IL12RB1: variants seen among roughly 807,000 people sequenced by gnomAD.
IL12RB1 encodes the protein interleukin 12 receptor subunit beta 1, also known as interleukin-12 receptor subunit beta-1.
A neutral mutation model predicts 94.4 loss-of-function variants in IL12RB1; 64 were observed. That is an observed-to-expected ratio of 0.68 (90% CI 0.55 to 0.83). The LOEUF is 0.83. Among genes scored for constraint, IL12RB1 ranks in the 40% least tolerant of loss-of-function variants. The pLI is 0.00. For missense variants in IL12RB1, 814 were observed against 855.6 expected (o/e 0.95, Z 0.61); for synonymous variants, 362 against 355.5 (o/e 1.02, Z -0.21).
upstream of IL12RB1, chr19:18,090,734 T>C (rs2036592886): frequency 6.9e-6 from 1 of 144,798 alleles, no homozygotes; most frequent in Non-Finnish European, 1.5e-5. Flanking sequence ...GATTAGTCAT[T>C]GTTGTTGTTC....
chr19:18,095,355 G>A (rs548748802), intron 1 of IL12RB1, among the ~76,000 whole-genome samples: 16 of 152,208 alleles, frequency 1.1e-4, no homozygotes, highest in East Asian at 5.8e-4. Flanking sequence ...GTCATGAAAC[G>A]GAATGAAGTA....
At chr19:18,083,555 G>A in intron 1 of IL12RB1, 64 bp from the exon 2 acceptor site, 1 of 1,537,168 alleles carries the variant, frequency 6.5e-7, no homozygotes. Flanking sequence ...GAAGGGCTCA[G>A]CCTTGGGGTC....
chr19:18,070,565 G>A (rs1599489804), intron 9 of IL12RB1: 1 of 983,886 alleles, frequency 1.0e-6, no homozygotes, highest in African/African-American at 1.7e-5. Context: ...GCAATTCTGG[G>A]GATAGCAACA....
chr19:18,086,639 G>T, intron 1 of IL12RB1, 121 bp downstream of exon 1: 5 of 894,026 alleles, frequency 5.6e-6, no homozygotes, highest in Non-Finnish European at 8.5e-6. Context: ...CCATTTGACA[G>T]CAGGAAAGAC....
At position 18,083,478 on chromosome 19, in the gene IL12RB1, G is replaced by T; in HGVS notation, c.78C>A (p.Thr26=). ...LLSRQGAACR[T]SECCFQDPPY... is the part of the protein sequence containing the mutation. Reference sequence around the variant, plus strand: ...GCGGGTCCTGAAAACAGCACTCACTGGTTCTGCAGGCAGCTGCAAAGGCAA... The same window carrying T: ...GCGGGTCCTGAAAACAGCACTCACTTGTTCTGCAGGCAGCTGCAAAGGCAA... The change falls in exon 2 of 17, where the codon ACC becomes ACA. Residue 26 remains threonine (T), a synonymous_variant. Coordinates refer to ENST00000593993, the MANE Select transcript of IL12RB1 (RefSeq NM_005535.3). The T allele has an allele frequency of 6.2e-7, 1 of 1,613,538 alleles. No homozygotes were observed.
At chr19:18,094,782 C>G (rs940726158) in intron 1 of IL12RB1, among the ~76,000 whole-genome samples, 6 of 152,140 alleles carry the variant, frequency 3.9e-5, no homozygotes, top group Non-Finnish European at 8.8e-5. Context: ...GGCGAAAGAG[C>G]AAGACCCTGT....
chr19:18,097,558 G>C (rs1215425073), intron 1 of IL12RB1, among the ~76,000 whole-genome samples: 2 of 152,198 alleles, frequency 1.3e-5, no homozygotes, highest in African/African-American at 4.8e-5. Flanking sequence ...GCAAAATGGG[G>C]CTGAACGATG....
In IL12RB1 at chr19:18,062,292, C is replaced by T. The variant is rs757276392; in HGVS notation, c.1619-15G>A. The T allele has an allele frequency of 1.9e-6, 3 of 1,564,878 alleles. No homozygotes were observed. The highest frequency in any genetic ancestry group is 2.2e-5 in the East Asian group (1 of 44,532). ...AACCTGCACTTCTGAGGTGGGAGAG[C>T]GTGGGTTGGCAGAGGGCTACCTCCT... is the stretch of plus-strand genomic sequence containing the variant. On this transcript the variant is annotated splice_polypyrimidine_tract_variant and intron_variant, in intron 13 of 16. Coordinates refer to ENST00000593993, the MANE Select transcript of IL12RB1 (RefSeq NM_005535.3).
At chr19:18,063,309 G>T (rs1466117857) in intron 13 of IL12RB1, among the ~76,000 whole-genome samples, 1 of 151,618 alleles carries the variant, frequency 6.6e-6, no homozygotes. Context: ...TGTTGCCCAG[G>T]CTGGTCTTGA....
chr19:18,072,098 C>G lies in IL12RB1; in HGVS notation c.1021+14G>C. ...AGGGGCCCTCATACCGCCCTCCCCA[C>G]CCAGAGGAGGCACCTGTGTGGGTGT... On this transcript the variant is annotated intron_variant, in intron 9 of 16. Coordinates refer to ENST00000593993, the MANE Select transcript of IL12RB1 (RefSeq NM_005535.3). 1 of 1,570,434 alleles carries G rather than the reference C, an allele frequency of 6.4e-7. No homozygotes were observed. Among genetic ancestry groups the G allele is most frequent in the Middle Eastern group, 1.7e-4 (1 of 5,946 alleles).
chr19:18,075,750 AG>A lies in IL12RB1; in HGVS notation c.698del (p.Pro233LeufsTer9). 1 of 1,612,290 alleles carries A rather than the reference AG, an allele frequency of 6.2e-7. No individual in the cohort carries two copies. The highest frequency in any genetic ancestry group is 8.5e-7 in the Non-Finnish European group (1 of 1,178,458). On this transcript the variant is annotated frameshift_variant and splice_region_variant, in exon 7 of 17. Coordinates refer to ENST00000593993, the MANE Select transcript of IL12RB1 (RefSeq NM_005535.3). LOFTEE classifies it high-confidence loss of function. ...TTCCTGTACTCAGAGTGATCTTACC[AG>A]GGGGAACGCACACGGGGCTGCTCCA... ...SKWSSPVCVP[P>X]ENPPQPQVRF...
At position 18,059,890 on chromosome 19, in the gene IL12RB1, G is replaced by A. The variant is rs1214982320; in HGVS notation, c.1983+4C>T. On this transcript the variant is annotated splice_donor_region_variant and intron_variant, in intron 16 of 16. Coordinates refer to ENST00000593993, the MANE Select transcript of IL12RB1 (RefSeq NM_005535.3). ...TGACCGTCTGGCCCACTGGGCCCCA[G>A]GACCTTGGCCTTGCACCTGTCTCCA... The A allele has an allele frequency of 1.3e-6, 2 of 1,537,996 alleles. No individual in the cohort carries two copies. Among genetic ancestry groups the A allele is most frequent in the Non-Finnish European group, 1.8e-6 (2 of 1,130,002 alleles).
intron 1 of IL12RB1, among the ~76,000 whole-genome samples, chr19:18,092,688 G>T (rs890794395): frequency 9.2e-6 from 1 of 108,306 alleles, no homozygotes; most frequent in Non-Finnish European, 1.9e-5. Flanking sequence ...AAAAAAAAAA[G>T]AAATGTGGTC....
Position 18,077,552 on chromosome 19 carries a change from C to A in IL12RB1, c.513G>T (p.Gln171His). Residue 171 changes from glutamine to histidine, a missense_variant, in exon 5 of 17, where the codon CAG becomes CAT. Gln to His is a conservative substitution (Grantham distance 24). Transcript: ENST00000593993. Reference protein sequence around the residue: ...TPDNQVGAEVQFRHRTPSSPW... With the variant: ...TPDNQVGAEVHFRHRTPSSPW... ...GGCTGCTGGGTGTCCGGTGCCGGAA[C>A]TGCACCTCAGCACCAACCTGGTTAT... The A allele has an allele frequency of 6.2e-7, 1 of 1,612,714 alleles. No individual in the cohort carries two copies. The highest frequency in any genetic ancestry group is 8.5e-7 in the Non-Finnish European group (1 of 1,179,140).
At chr19:18,086,621 C>A (rs2036359415) in intron 1 of IL12RB1, 139 bp downstream of exon 1, 2 of 743,736 alleles carry the variant, frequency 2.7e-6, no homozygotes, top group Admixed American at 3.0e-5. Flanking sequence ...GCCATGACTG[C>A]CCATCTCCCA....
chr19:18,061,041 G>A (rs17884618), intron 15 of IL12RB1, 81 bp downstream of exon 15: 24 of 781,174 alleles, frequency 3.1e-5, no homozygotes, highest in Non-Finnish European at 5.0e-5. Flanking sequence ...AATTGGGAGA[G>A]AATAAAATGA....
In IL12RB1 at chr19:18,068,436, AGCTTCTCGGGGTGC is replaced by A. The variant is rs1428057753; in HGVS notation, c.1266_1279del (p.Pro424LeufsTer30). On this transcript the variant is annotated frameshift_variant, in exon 11 of 17. Coordinates refer to ENST00000593993, the MANE Select transcript of IL12RB1 (RefSeq NM_005535.3). LOFTEE classifies it high-confidence loss of function. ...GGACAGGACCGTAGACCACAAGGTGAGCTTCTCGGGGTGCGCAGAGGCAAAGATGGTAATGTAGT... is the reference window on the plus strand; with the variant it reads ...GGACAGGACCGTAGACCACAAGGTGAGCAGAGGCAAAGATGGTAATGTAGT... 6.2e-7 allele frequency: 1 copy of A among 1,613,220 alleles called. No individual in the cohort carries two copies. Among genetic ancestry groups the A allele is most frequent in the Admixed American group, 1.7e-5 (1 of 59,952 alleles).
At chr19:18,095,874 G>A (rs2036869755) in intron 1 of IL12RB1, among the ~76,000 whole-genome samples, 1 of 152,064 alleles carries the variant, frequency 6.6e-6, no homozygotes, top group Admixed American at 6.6e-5. Context: ...TGTACAGTGG[G>A]GCAGCCGAAG....
At position 18,059,393 on chromosome 19, in the gene IL12RB1, G is replaced by GC; in HGVS notation, c.*214dup. 1 of 626,602 alleles carries GC rather than the reference G, an allele frequency of 1.6e-6. No individual in the cohort carries two copies. Among genetic ancestry groups the GC allele is most frequent in the Non-Finnish European group, 2.9e-6 (1 of 347,502 alleles). The allele number at this position is 626,602 out of a possible 1,614,324, so 38.8% of individuals were successfully genotyped here. On this transcript the variant is annotated 3_prime_UTR_variant, in exon 17 of 17. Coordinates refer to ENST00000593993, the MANE Select transcript of IL12RB1 (RefSeq NM_005535.3). ...CAGGTAAATGGCAGGGTCTGCTCCT[G>GC]CCCCACGGATGCCAGGCCCAGCAGG...
Sources: gnomAD v4.1 joint callset for allele counts (sites outside exome capture counted in the v4.1 genomes callset) on GRCh38, gnomAD v4.1.1 for gene constraint, MANE v1.5 for transcripts, NCBI Gene and HGNC (gene_info 2026-07-23, HGNC 2026-07-21) for gene names.